C1orf162: variants seen among roughly 807,000 people sequenced by gnomAD.
C1orf162 encodes transmembrane protein C1orf162.
C1orf162 carries 10 observed loss-of-function variants against 11.4 expected under a neutral mutation model. The observed-to-expected ratio is 0.88, with a 90% CI of 0.54 to 1.48. The LOEUF is 1.48. Among genes scored for constraint, C1orf162 ranks in the 40% most tolerant of loss-of-function variants. The pLI, the probability that C1orf162 is intolerant of heterozygous loss-of-function variation, is 0.00. For missense variants in C1orf162, 140 were observed against 149.5 expected (o/e 0.94, Z 0.33); for synonymous variants, 53 against 55.0 (o/e 0.96, Z 0.16).
At chr1:111,477,619 A>G (rs1306081866) in intron 4 of C1orf162, 107 bp from the exon 5 acceptor site, 2 of 1,596,248 alleles carry the variant, frequency 1.3e-6, no homozygotes, top group Non-Finnish European at 1.7e-6. Context: ...CCACCTGCCA[A>G]CACCTCCTCC....
Position 111,478,362 on chromosome 1 carries a change from G to C in C1orf162, c.*239G>C. ...GAACTGACAGCCTGTGAGCCCCTTG[G>C]GGGCATAGACTGCCTTCCTTGGACC... On this transcript the variant is annotated 3_prime_UTR_variant, in exon 6 of 6. Transcript: ENST00000369718. The C allele has an allele frequency of 1.7e-6, 1 of 577,790 alleles. No homozygotes were observed. The highest frequency in any genetic ancestry group is 3.0e-5 in the East Asian group (1 of 33,182). 35.8% of individuals were successfully genotyped at this position (577,790 alleles called of 1,614,324 possible).
chr1:111,478,401 T>A lies in C1orf162; in HGVS notation c.*278T>A. 1 of 507,418 alleles carries A rather than the reference T, an allele frequency of 2.0e-6. No homozygotes were observed. Among genetic ancestry groups the A allele is most frequent in the Non-Finnish European group, 3.6e-6 (1 of 279,690 alleles). 31.4% of individuals were successfully genotyped at this position (507,418 alleles called of 1,614,324 possible). ...CTTCCTTGGACCCTTCCAAAGTGTGTGGTACAGAGCTCAGTGCACAGAGTA... is the reference window on the plus strand; with the variant it reads ...CTTCCTTGGACCCTTCCAAAGTGTGAGGTACAGAGCTCAGTGCACAGAGTA... On this transcript the variant is annotated 3_prime_UTR_variant, in exon 6 of 6. Coordinates refer to ENST00000369718, the MANE Select transcript of C1orf162 (RefSeq NM_001300834.2).
At chr1:111,475,757 T>C (rs1653966920) in intron 1 of C1orf162, 1 of 415,234 alleles carries the variant, frequency 2.4e-6, no homozygotes, top group Admixed American at 3.3e-5. Context: ...GAATCAGTTC[T>C]GGAGAAATCA....
chr1:111,477,958 A>T (rs1007636882), intron 5 of C1orf162, 25 bp from the exon 6 acceptor site: 2 of 1,613,932 alleles, frequency 1.2e-6, no homozygotes, highest in Middle Eastern at 1.6e-4. Context: ...GGACTCACTC[A>T]TTCCTCCTTT....
chr1:111,475,949 T>G, intron 1 of C1orf162, 69 bp from the exon 2 acceptor site: 2 of 1,240,138 alleles, frequency 1.6e-6, no homozygotes, highest in Non-Finnish European at 2.4e-6. Flanking sequence ...ACAATCACAG[T>G]CTCAGAGCTG....
chr1:111,476,139 T>C, intron 2 of C1orf162, 74 bp downstream of exon 2: 2 of 1,409,290 alleles, frequency 1.4e-6, no homozygotes, highest in Non-Finnish European at 2.0e-6. Flanking sequence ...TGAAGGGCTG[T>C]AATGGAAAGG....
chr1:111,478,254 A>T lies in C1orf162; in HGVS notation c.*131A>T. 5 of 1,064,790 alleles carry T rather than the reference A, an allele frequency of 4.7e-6. No homozygotes were observed. The highest frequency in any genetic ancestry group is 7.0e-6 in the Non-Finnish European group (5 of 718,578). 66.0% of individuals were successfully genotyped at this position (1,064,790 alleles called of 1,614,324 possible). ...CTGCAGTCGGAGTTGTTTAGATGTG[A>T]TCTGGCAATGCTATCCAGCATCTTT... On this transcript the variant is annotated 3_prime_UTR_variant, in exon 6 of 6. Transcript: ENST00000369718.
chr1:111,474,629 A>G (rs945587745), intron 1 of C1orf162: 4 of 152,236 alleles, frequency 2.6e-5, no homozygotes, highest in Non-Finnish European at 5.9e-5. Context: ...TTAGAAAAGG[A>G]GCAAAAAGTG....
At chr1:111,477,892 A>G (rs1304493937) in intron 5 of C1orf162, 91 bp from the exon 6 acceptor site, 1 of 1,597,104 alleles carries the variant, frequency 6.3e-7, no homozygotes, top group African/African-American at 1.3e-5. Flanking sequence ...TGGGCAAGTG[A>G]TTCTTTGACC....
At chr1:111,477,252 C>T (rs1654021455) in intron 3 of C1orf162, 82 bp from the exon 4 acceptor site, 1 of 1,181,254 alleles carries the variant, frequency 8.5e-7, no homozygotes, top group East Asian at 2.3e-5. Context: ...GGAGTCCATC[C>T]ATAGGCAGGA....
At chr1:111,476,097 C>T (rs1250448793) in intron 2 of C1orf162, 32 bp downstream of exon 2, 1 of 1,600,124 alleles carries the variant, frequency 6.2e-7, no homozygotes, top group East Asian at 2.2e-5. Context: ...TTACCTGCCT[C>T]ACGTCTGAGT....
intron 1 of C1orf162, among the ~76,000 whole-genome samples, 169 bp downstream of exon 1, chr1:111,474,199 C>T (rs1332487897): frequency 6.6e-6 from 1 of 152,146 alleles, no homozygotes; most frequent in East Asian, 1.9e-4. Flanking sequence ...GTAAGATTCT[C>T]CAGTGCTGGA....
intron 1 of C1orf162, chr1:111,475,794 CA>C: frequency 2.1e-6 from 1 of 487,086 alleles, no homozygotes. Context: ...CTGATAAGAT[CA>C]AATTTCTGGA....
chr1:111,474,483 A>G (rs1336401149), intron 1 of C1orf162: 1 of 152,220 alleles, frequency 6.6e-6, no homozygotes, highest in African/African-American at 2.4e-5. Flanking sequence ...CTATGATCCT[A>G]TCTTCTTCCA....
intron 4 of C1orf162, 76 bp downstream of exon 4, chr1:111,477,504 G>T: frequency 6.6e-7 from 1 of 1,509,328 alleles, no homozygotes; most frequent in Non-Finnish European, 9.2e-7. Context: ...AGTGAGTAAT[G>T]GGAGGAGGTA....
At chr1:111,477,598 C>CA in intron 4 of C1orf162, 128 bp from the exon 5 acceptor site, 1 of 1,485,162 alleles carries the variant, frequency 6.7e-7, no homozygotes, top group Non-Finnish European at 9.1e-7. Flanking sequence ...TTCTTCCGCC[C>CA]TGCCCCCCAC....
At position 111,477,317 on chromosome 1, in the gene C1orf162, T is replaced by C. The variant is rs1334245816; in HGVS notation, c.108-17T>C. 6.2e-7 allele frequency: 1 copy of C among 1,608,268 alleles called. No homozygotes were observed. The highest frequency in any genetic ancestry group is 1.7e-5 in the Admixed American group (1 of 60,022). On this transcript the variant is annotated splice_polypyrimidine_tract_variant and intron_variant, in intron 3 of 5. Transcript: ENST00000369718. ...AAAGCCCAACAGTTCATCCCCTGCC[T>C]TTCTTTGCCAAAACAGCAAAAAACA...
rs868833678 is a variant in C1orf162 at position 111,477,409 on chromosome 1, C to T, written c.183C>T (p.Ile61=). The T allele has an allele frequency of 6.2e-7, 1 of 1,613,176 alleles. No homozygotes were observed. The highest frequency in any genetic ancestry group is 2.2e-5 in the East Asian group (1 of 44,868). ...TLLLIAFIFL[I]IKSYRKYHSK... ...TGCTGATAGCCTTTATCTTCCTCAT[C>T]ATAAAGAGCTACAGAAAATGTAAGT... The change falls in exon 4 of 6, where the codon ATC becomes ATT. Residue 61 remains isoleucine, a synonymous_variant. Coordinates refer to ENST00000369718, the MANE Select transcript of C1orf162 (RefSeq NM_001300834.2).
At chr1:111,476,384 C>A (rs1457850301) in intron 2 of C1orf162, among the ~76,000 whole-genome samples, 1 of 152,082 alleles carries the variant, frequency 6.6e-6, no homozygotes, top group Non-Finnish European at 1.5e-5. Context: ...AGCTGCTCTG[C>A]AAAAAGGGCA....
Sources: gnomAD v4.1 joint callset for allele counts (sites outside exome capture counted in the v4.1 genomes callset) on GRCh38, gnomAD v4.1.1 for gene constraint, MANE v1.5 for transcripts, NCBI Gene and HGNC (gene_info 2026-07-23, HGNC 2026-07-21) for gene names.